The following MYO7B variants were observed in gnomAD, a reference collection of about 807,000 sequenced individuals.
MYO7B encodes the protein unconventional myosin-VIIb.
A neutral mutation model predicts 259.7 loss-of-function variants in MYO7B; 212 were observed. The ratio of observed to expected loss-of-function variants is 0.82; its 90% CI spans 0.73 to 0.91. The LOEUF (loss-of-function observed/expected upper bound fraction) is 0.91. MYO7B is among the 40% of genes least tolerant of loss of function. The probability of loss-of-function intolerance (pLI) is 0.00; values close to 1 mark genes in which losing one functional copy is unlikely to be tolerated. For synonymous variants in MYO7B, 1,197 were observed against 1,166.4 expected (o/e 1.03, Z -0.54); for missense variants, 2,732 against 2,813.5 (o/e 0.97, Z 0.66).
At position 127,627,921 on chromosome 2, in the gene MYO7B, C is replaced by T. The variant is rs531871777; in HGVS notation, c.4461-451C>T. ...AGTGGCCACCACTCCCCACTGGCCA[C>T]CTCTCACTGAGGCTGACCATGCTGG... On this transcript the variant is annotated intron_variant, in intron 33 of 47. Transcript: ENST00000409816. The surrounding 1 kb of genome is among the most constrained non-coding windows in gnomAD (Gnocchi z 5.6). 8.7e-6 allele frequency: 4 copies of T among 460,040 alleles called. No individual in the cohort carries two copies. The highest frequency in any genetic ancestry group is 1.7e-5 in the Non-Finnish European group (4 of 229,600). 28.5% of individuals were successfully genotyped at this position (460,040 alleles called of 1,614,324 possible).
intron 12 of MYO7B, 31 bp downstream of exon 12, chr2:127,582,477 C>T (rs534267567): frequency 3.3e-5 from 53 of 1,607,738 alleles, no homozygotes; most frequent in African/African-American, 2.8e-4. Flanking sequence ...AGCCCCACTG[C>T]TTCCAGAAAA....
chr2:127,620,815 C>T (rs1680807912), intron 27 of MYO7B, among the ~76,000 whole-genome samples: 1 of 152,234 alleles, frequency 6.6e-6, no homozygotes, highest in Non-Finnish European at 1.5e-5. Context: ...TGTGCCACGG[C>T]ACCTCTTTCT....
At chr2:127,572,939 A>G (rs572704902) in intron 6 of MYO7B, among the ~76,000 whole-genome samples, 9 of 152,096 alleles carry the variant, frequency 5.9e-5, no homozygotes, top group Admixed American at 5.9e-4. Flanking sequence ...TAGTACCAAA[A>G]AAAAAAAAAC....
rs11675513 is a variant in MYO7B at position 127,615,987 on chromosome 2, G to A, written c.3398+3384G>A. 0.18 allele frequency among the ~76,000 whole-genome samples: 26,672 copies of A among 152,128 alleles called. 2,456 individuals carry two copies. Among genetic ancestry groups the A allele is most frequent in the South Asian group, 0.31 (1,475 of 4,820 alleles). ...TTGTTCATTTCCTGTGAAAACACAA[G>A]CATACCCTCGTTCCCACAATAGTAA... On this transcript the variant is annotated intron_variant, in intron 26 of 47. Transcript: ENST00000409816. The surrounding 1 kb of genome is among the most constrained non-coding windows in gnomAD (Gnocchi z 4.4).
chr2:127,571,173 A>G (rs1290308582), intron 6 of MYO7B, among the ~76,000 whole-genome samples: 1 of 152,154 alleles, frequency 6.6e-6, no homozygotes, highest in African/African-American at 2.4e-5. Context: ...GTTTTCCAAA[A>G]TGCTCACAGC....
In MYO7B at chr2:127,607,418, G is replaced by C. The variant is rs534417458; in HGVS notation, c.2637G>C (p.Lys879Asn). ...CCCGGCGCAACTTCCAGCAAAGGAA[G>C]GCCAATGTAGGTGGTCACCTGGCCT... Reference protein sequence around the residue: ...MAARRNFQQRKANAPLVIPAE... With the variant: ...MAARRNFQQRNANAPLVIPAE... The change falls in exon 21 of 48, where the codon AAG becomes AAC. Residue 879 changes from lysine (K) to asparagine (N), a missense_variant. By Grantham distance (94) the Lys-to-Asn change is moderately conservative. Transcript: ENST00000409816. The surrounding 1 kb of genome is among the most constrained non-coding windows in gnomAD (Gnocchi z 4.4). 1 of 1,550,950 alleles carries C rather than the reference G, an allele frequency of 6.4e-7. No homozygotes were observed. Among genetic ancestry groups the C allele is most frequent in the East Asian group, 2.4e-5 (1 of 40,916 alleles).
intron 9 of MYO7B, among the ~76,000 whole-genome samples, chr2:127,580,198 G>A (rs1247865854): frequency 6.6e-6 from 1 of 152,174 alleles, no homozygotes; most frequent in Non-Finnish European, 1.5e-5. Context: ...GACACCCAAA[G>A]GTCCCGTCCC....
chr2:127,635,883 G>A lies in MYO7B; in HGVS notation c.5982G>A (p.Leu1994=). Residue 1994 remains leucine, a synonymous_variant, in exon 44 of 48, where the codon CTG becomes CTA. Transcript: ENST00000409816. ...TGGTGCCTGAGAACCTCACACGCCTGATGTCCTCGGAGGAGTGGAAAAAGG... is the reference window on the plus strand; with the variant it reads ...TGGTGCCTGAGAACCTCACACGCCTAATGTCCTCGGAGGAGTGGAAAAAGG... The part of the protein sequence containing the change: ...RELVPENLTR[L]MSSEEWKKSI... 1 of 1,576,764 alleles carries A rather than the reference G, an allele frequency of 6.3e-7. No homozygotes were observed.
intron 19 of MYO7B, among the ~76,000 whole-genome samples, chr2:127,599,677 T>C (rs1360678902): frequency 6.6e-6 from 1 of 152,224 alleles, no homozygotes; most frequent in Non-Finnish European, 1.5e-5. Flanking sequence ...CTTTCTCAAG[T>C]CGAGGAAGCT....
chr2:127,634,928 G>T (rs780081010), intron 42 of MYO7B, 192 bp from the exon 43 acceptor site: 106 of 641,330 alleles, frequency 1.7e-4, no homozygotes, highest in Non-Finnish European at 2.6e-4. Flanking sequence ...GGCTGGGAGT[G>T]CGAGTCCAGG....
intron 6 of MYO7B, 48 bp downstream of exon 6, chr2:127,569,958 C>T (rs1392442140): frequency 6.3e-7 from 1 of 1,577,220 alleles, no homozygotes; most frequent in Non-Finnish European, 8.6e-7. Flanking sequence ...CCCCCTGGAG[C>T]CTTCCTGCCA....
At position 127,622,107 on chromosome 2, in the gene MYO7B, G is replaced by T. The variant is rs1272688331; in HGVS notation, c.3645+6G>T. The T allele has an allele frequency of 1.3e-6, 2 of 1,548,278 alleles. No individual in the cohort carries two copies. Among genetic ancestry groups the T allele is most frequent in the Admixed American group, 3.9e-5 (2 of 50,870 alleles). On this transcript the variant is annotated splice_donor_region_variant and intron_variant, in intron 28 of 47. Coordinates refer to ENST00000409816, the MANE Select transcript of MYO7B (RefSeq NM_001393586.1). ...CCACCTGGCTGGAGCTGCAGGTAGG[G>T]GCTGGCAGGGGTGAGAGCGGGCAGG...
chr2:127,634,757 G>A, intron 42 of MYO7B, 74 bp downstream of exon 42: 1 of 1,305,440 alleles, frequency 7.7e-7, no homozygotes, highest in Non-Finnish European at 1.1e-6. Context: ...CCTCTGTGCG[G>A]CCCATGCCCA....
chr2:127,631,319 A>G lies in MYO7B; in HGVS notation c.5051A>G (p.His1684Arg). The G allele has an allele frequency of 1.2e-6, 2 of 1,611,936 alleles. No individual in the cohort carries two copies. The highest frequency in any genetic ancestry group is 1.1e-5 in the South Asian group (1 of 91,046). ...CGACAGCCGCTGCTCAAGCGAGTCC[A>G]CGCCAACGTCGACCTCTGGGACATC... ...PLRQPLLKRV[H>R]ANVDLWDIAC... Residue 1684 changes from histidine (H) to arginine (R), a missense_variant, in exon 37 of 48, where the codon CAC (histidine) becomes CGC (arginine). His to Arg is a conservative substitution (Grantham distance 29, BLOSUM62 0). This residue lies in a region of MYO7B where 821 missense variants were observed against 769.3 expected (regional missense o/e 1.07). Transcript: ENST00000409816.
intron 24 of MYO7B, 86 bp from the exon 25 acceptor site, chr2:127,612,164 C>T (rs919011391): frequency 1.6e-5 from 8 of 501,148 alleles, no homozygotes; most frequent in Admixed American, 6.9e-5. Context: ...GAAAGGGACA[C>T]GTGCTCCACC....
intron 43 of MYO7B, 95 bp from the exon 44 acceptor site, chr2:127,635,627 T>C: frequency 1.5e-6 from 2 of 1,346,334 alleles, no homozygotes; most frequent in Non-Finnish European, 1.0e-6. Context: ...TGGAGTGGGC[T>C]AAGCCCCAGT....
chr2:127,618,079 A>G (rs183844206), intron 26 of MYO7B, among the ~76,000 whole-genome samples: 5 of 151,586 alleles, frequency 3.3e-5, no homozygotes, highest in African/African-American at 1.2e-4. Flanking sequence ...ATCCCTACTT[A>G]TCTCTATTTG....
intron 24 of MYO7B, 127 bp from the exon 25 acceptor site, chr2:127,612,123 C>T: frequency 6.8e-6 from 3 of 441,664 alleles, no homozygotes; most frequent in South Asian, 1.7e-5. Flanking sequence ...CTGCATGGTG[C>T]TTTATAAATC....
At chr2:127,589,456 A>G (rs1679457014) in intron 15 of MYO7B, among the ~76,000 whole-genome samples, 1 of 149,560 alleles carries the variant, frequency 6.7e-6, no homozygotes, top group Admixed American at 6.6e-5. Context: ...TCCAGAGTTT[A>G]GATAGGAGAA....
Sources: gnomAD v4.1 joint callset for allele counts (sites outside exome capture counted in the v4.1 genomes callset) on GRCh38, gnomAD v4.1.1 for gene constraint, gnomAD v4.1.1 regional missense constraint, Gnocchi (gnomAD v3.1) non-coding constraint, MANE v1.5 for transcripts, NCBI Gene and HGNC (gene_info 2026-07-23, HGNC 2026-07-21) for gene names.